The following COL21A1 variants were observed in gnomAD, a reference collection of about 807,000 sequenced individuals.
COL21A1 encodes collagen type XXI alpha 1 chain, also known as collagen alpha-1(XXI) chain.
Under a neutral mutation model 137.9 loss-of-function variants are expected in COL21A1, and 149 were observed. The ratio of observed to expected loss-of-function variants is 1.08; its 90% CI spans 0.95 to 1.24. The LOEUF (loss-of-function observed/expected upper bound fraction) is 1.24, where lower values mean the gene tolerates loss of function less well. Ranked by LOEUF, COL21A1 falls within the 50% of genes most tolerant of loss-of-function variation. COL21A1 has a pLI of 0.00. For missense variants in COL21A1, 1,167 were observed against 1,158.4 expected (o/e 1.01, Z -0.11); for synonymous variants, 456 against 391.5 (o/e 1.16, Z -1.95).
intron 1 of COL21A1, among the ~76,000 whole-genome samples, chr6:56,304,340 C>G (rs1253342250): frequency 6.6e-6 from 1 of 151,842 alleles, no homozygotes; most frequent in Non-Finnish European, 1.5e-5. Flanking sequence ...TGGTAGAATT[C>G]GGCTGTGAAT....
At chr6:56,077,258 T>G (rs1767322266) in intron 18 of COL21A1, among the ~76,000 whole-genome samples, 2 of 151,372 alleles carry the variant, frequency 1.3e-5, no homozygotes, top group Non-Finnish European at 3.0e-5. Context: ...TATAAAGAAG[T>G]AAATTATGCC....
intron 10 of COL21A1, among the ~76,000 whole-genome samples, chr6:56,150,576 G>T (rs6933466): frequency 0.027 from 3,920 of 147,564 alleles, 134 homozygotes; most frequent in African/African-American, 0.074. Flanking sequence ...AAGAGTGGGG[G>T]GAACTGAATC....
chr6:56,176,463 TA>T (rs1354563040), intron 3 of COL21A1, among the ~76,000 whole-genome samples: 1 of 150,196 alleles, frequency 6.7e-6, no homozygotes, highest in Non-Finnish European at 1.5e-5. Flanking sequence ...AGGACTTAAA[TA>T]AACATTTCTC....
chr6:56,179,677 C>T lies in COL21A1; in HGVS notation c.541G>A (p.Ala181Thr), dbSNP rs765741400. The stretch of plus-strand genomic sequence containing the variant: ...GTAGACGAAGGCTTGTTGGCAATAG[C>T]TCTAAGTTCGGCATCTTCTGTTTCT... ...GSETEDAELR[A>T]IANKPSSTYV... Residue 181 changes from alanine to threonine, a missense_variant, in exon 3 of 30, where the codon GCT becomes ACT. Coordinates refer to ENST00000244728, the MANE Select transcript of COL21A1 (RefSeq NM_030820.4). The T allele has an allele frequency of 3.1e-6, 5 of 1,613,754 alleles. No individual in the cohort carries two copies. The highest frequency in any genetic ancestry group is 2.7e-5 in the African/African-American group (2 of 74,900).
intron 12 of COL21A1, among the ~76,000 whole-genome samples, chr6:56,133,531 T>G (rs367947350): frequency 2.6e-5 from 4 of 152,290 alleles, no homozygotes; most frequent in East Asian, 3.9e-4. Flanking sequence ...GCGGAGAAAT[T>G]TAAGCCGGCT....
intron 1 of COL21A1, among the ~76,000 whole-genome samples, chr6:56,375,147 G>A (rs1157786072): frequency 1.3e-5 from 2 of 152,182 alleles, no homozygotes; most frequent in South Asian, 4.1e-4. Flanking sequence ...GAGAAAGAAT[G>A]TTAGAGACCG....
chr6:56,370,007 T>A (rs1766193581), intron 1 of COL21A1, among the ~76,000 whole-genome samples: 1 of 152,234 alleles, frequency 6.6e-6, no homozygotes, highest in Non-Finnish European at 1.5e-5. Flanking sequence ...TTCAAAAATA[T>A]ATGCTTACGT....
At chr6:56,295,884 C>A (rs941136449) in intron 1 of COL21A1, among the ~76,000 whole-genome samples, 2 of 151,812 alleles carry the variant, frequency 1.3e-5, no homozygotes, top group African/African-American at 4.8e-5. Flanking sequence ...CATCTGAAAA[C>A]AATTTTATTT....
intron 19 of COL21A1, 138 bp from the exon 20 acceptor site, chr6:56,074,423 G>C: frequency 1.8e-6 from 1 of 548,368 alleles, no homozygotes; most frequent in Non-Finnish European, 3.1e-6. Context: ...ACAATATTTA[G>C]AAAATTACTC....
At chr6:56,362,118 T>G (rs907397383) in intron 1 of COL21A1, among the ~76,000 whole-genome samples, 1 of 152,150 alleles carries the variant, frequency 6.6e-6, no homozygotes, top group African/African-American at 2.4e-5. Context: ...AGGGGCACCC[T>G]GAAATTGCCA....
intron 1 of COL21A1, among the ~76,000 whole-genome samples, chr6:56,380,964 G>A (rs148772191): frequency 3.9e-5 from 6 of 152,158 alleles, no homozygotes; most frequent in Non-Finnish European, 7.4e-5. Flanking sequence ...ACAGAACAAC[G>A]TTACATATTG....
chr6:56,269,472 G>A (rs963504529), intron 1 of COL21A1, among the ~76,000 whole-genome samples: 8 of 151,604 alleles, frequency 5.3e-5, no homozygotes, highest in South Asian at 4.2e-4. Flanking sequence ...CGGCTAAAAC[G>A]GTGAAACCCC....
At chr6:56,073,423 TAGAAA>T (rs1766935022) in intron 20 of COL21A1, among the ~76,000 whole-genome samples, 1 of 151,410 alleles carries the variant, frequency 6.6e-6, no homozygotes, top group South Asian at 2.1e-4. Flanking sequence ...CTAAATACTT[TAGAAA>T]TTAAAAGTAA....
intron 1 of COL21A1, among the ~76,000 whole-genome samples, chr6:56,193,590 C>T (rs1213732648): frequency 1.3e-5 from 2 of 151,964 alleles, no homozygotes; most frequent in Admixed American, 6.6e-5. Flanking sequence ...AGTCAGTATT[C>T]AGATATATGA....
chr6:56,252,596 G>C (rs780593724), intron 1 of COL21A1, among the ~76,000 whole-genome samples: 1 of 152,078 alleles, frequency 6.6e-6, no homozygotes, highest in Non-Finnish European at 1.5e-5. Flanking sequence ...TACCAACAAA[G>C]GTATAAATAT....
chr6:56,154,674 A>T (rs1284112562), intron 10 of COL21A1, among the ~76,000 whole-genome samples: 1 of 151,878 alleles, frequency 6.6e-6, no homozygotes, highest in Non-Finnish European at 1.5e-5. Flanking sequence ...CATATAATCT[A>T]CTCTCCAAAT....
At position 56,097,965 on chromosome 6, in the gene COL21A1, AAATATAT is replaced by A. The variant is rs1461545197; in HGVS notation, c.1812+3500_1812+3506del. Among the ~76,000 whole-genome samples the A allele has an allele frequency of 3.3e-3, 251 of 75,156 alleles. 1 individual carries two copies. Among genetic ancestry groups the A allele is most frequent in the African/African-American group, 9.6e-3 (150 of 15,638 alleles). 49.3% of individuals were successfully genotyped at this position (75,156 alleles called of 152,430 possible). A position where few individuals can be genotyped will look rare whatever the true frequency, so the allele number is the denominator to read the frequency against. The stretch of plus-strand genomic sequence containing the variant: ...TATATATAAATATAAAAATATATAT[AAATATAT>A]AAATATATATAAATATATATGTAAA... On this transcript the variant is annotated intron_variant, in intron 17 of 29. Coordinates refer to ENST00000244728, the MANE Select transcript of COL21A1 (RefSeq NM_030820.4).
intron 2 of COL21A1, among the ~76,000 whole-genome samples, chr6:56,181,239 G>A (rs751279212): frequency 3.3e-5 from 5 of 152,138 alleles, no homozygotes; most frequent in Non-Finnish European, 4.4e-5. Flanking sequence ...CTGCCATGGC[G>A]GCCACTGCCA....
intron 17 of COL21A1, 170 bp from the exon 18 acceptor site, chr6:56,077,743 G>A: frequency 1.9e-6 from 1 of 532,074 alleles, no homozygotes. Context: ...CAACTTAGGA[G>A]ATATAGCATT....
Sources: gnomAD v4.1 joint callset for allele counts (sites outside exome capture counted in the v4.1 genomes callset) on GRCh38, gnomAD v4.1.1 for gene constraint, MANE v1.5 for transcripts, NCBI Gene and HGNC (gene_info 2026-07-23, HGNC 2026-07-21) for gene names.